Variants in FGGY observed in about 807,000 individuals in gnomAD.
FGGY encodes FGGY carbohydrate kinase domain containing, also known as FGGY carbohydrate kinase domain-containing protein.
FGGY carries 72 observed loss-of-function variants against 71.3 expected under a neutral mutation model. The observed-to-expected ratio is 1.01, with a 90% CI of 0.84 to 1.23. The LOEUF (loss-of-function observed/expected upper bound fraction) is 1.23, where lower values mean the gene tolerates loss of function less well. FGGY is among the 50% of genes most tolerant of loss of function. The pLI is 0.00. For synonymous variants in FGGY, 251 were observed against 250.3 expected (o/e 1.00, Z -0.02); for missense variants, 668 against 682.3 (o/e 0.98, Z 0.23).
chr1:59,311,108 G>A (rs1416541609), intron 1 of FGGY, among the ~76,000 whole-genome samples: 1 of 152,084 alleles, frequency 6.6e-6, no homozygotes, highest in African/African-American at 2.4e-5. Context: ...ATCTGAAAAG[G>A]CTTCACAGGA....
At chr1:59,673,427 G>A (rs763663025) in intron 13 of FGGY, among the ~76,000 whole-genome samples, 11 of 152,168 alleles carry the variant, frequency 7.2e-5, no homozygotes, top group Non-Finnish European at 1.3e-4. Context: ...TACGTGGCTG[G>A]AAGGAGAAGA....
intron 14 of FGGY, among the ~76,000 whole-genome samples, chr1:59,686,579 AT>A (rs1014020352): frequency 2.3e-4 from 35 of 151,308 alleles, no homozygotes; most frequent in East Asian, 3.9e-4. Context: ...ATCCTCTATT[AT>A]TTTTTTTTAA....
chr1:59,660,346 T>A (rs2097263104), intron 12 of FGGY, 53 bp downstream of exon 12: 2 of 1,381,908 alleles, frequency 1.4e-6, no homozygotes, highest in Non-Finnish European at 2.0e-6. Context: ...CAGTATACTC[T>A]AGGCCACTGG....
intron 1 of FGGY, among the ~76,000 whole-genome samples, chr1:59,314,737 C>T (rs1337477347): frequency 6.6e-6 from 1 of 152,180 alleles, no homozygotes; most frequent in African/African-American, 2.4e-5. Context: ...CATTCTTCAG[C>T]TCCTTATTGA....
At chr1:59,602,846 T>A (rs1055396804) in intron 8 of FGGY, among the ~76,000 whole-genome samples, 4 of 152,198 alleles carry the variant, frequency 2.6e-5, no homozygotes, top group Non-Finnish European at 4.4e-5. Flanking sequence ...GTTTTGTTGT[T>A]ATTTTTTTAT....
intron 5 of FGGY, among the ~76,000 whole-genome samples, chr1:59,387,717 T>C (rs2060238233): frequency 6.6e-6 from 1 of 152,204 alleles, no homozygotes; most frequent in African/African-American, 2.4e-5. Context: ...ACTTTTGTGC[T>C]CTTTAGTGCA....
At chr1:59,312,446 C>T (rs902065418) in intron 1 of FGGY, among the ~76,000 whole-genome samples, 2 of 152,146 alleles carry the variant, frequency 1.3e-5, no homozygotes, top group Non-Finnish European at 2.9e-5. Context: ...TGTGGATTCT[C>T]CTCTCCTTTT....
chr1:59,714,178 GATA>G (rs1473043901), intron 14 of FGGY, among the ~76,000 whole-genome samples: 1 of 152,150 alleles, frequency 6.6e-6, no homozygotes, highest in African/African-American at 2.4e-5. Context: ...AGTTCATTGG[GATA>G]ATAAACTATG....
intron 10 of FGGY, among the ~76,000 whole-genome samples, chr1:59,634,541 G>A (rs2096938113): frequency 6.6e-6 from 1 of 152,106 alleles, no homozygotes; most frequent in Non-Finnish European, 1.5e-5. Context: ...TGGTTTAAGA[G>A]TATGACCACC....
At chr1:59,381,515 C>G (rs111841458) in intron 5 of FGGY, among the ~76,000 whole-genome samples, 3,248 of 152,068 alleles carry the variant, frequency 0.021, 99 homozygotes, top group African/African-American at 0.074. Flanking sequence ...GGGTCAGGAT[C>G]ATCAAGATGT....
At chr1:59,335,303 T>A (rs1378377927) in intron 2 of FGGY, among the ~76,000 whole-genome samples, 1 of 151,914 alleles carries the variant, frequency 6.6e-6, no homozygotes, top group Non-Finnish European at 1.5e-5. Context: ...TAGAATCACA[T>A]AGCGTGCTTT....
At chr1:59,595,697 T>A (rs951816389) in intron 8 of FGGY, among the ~76,000 whole-genome samples, 5 of 151,878 alleles carry the variant, frequency 3.3e-5, no homozygotes, top group Non-Finnish European at 7.4e-5. Flanking sequence ...CTCAAAAAAA[T>A]AATAATAAAA....
chr1:59,369,880 A>AC (rs2057293620), intron 4 of FGGY, among the ~76,000 whole-genome samples: 1 of 152,176 alleles, frequency 6.6e-6, no homozygotes, highest in South Asian at 2.1e-4. Flanking sequence ...AAACTAACAA[A>AC]CAGAAAGGAC....
rs573170762 is a variant in FGGY, at chr1:59,339,185, C to A, written c.202-773C>A. Among the ~76,000 whole-genome samples the A allele has an allele frequency of 2.6e-5, 4 of 152,206 alleles. No individual in the cohort carries two copies. The East Asian group carries it at 7.7e-4, about 29-fold the overall frequency. On this transcript the variant is annotated intron_variant, in intron 2 of 15. Transcript: ENST00000303721. ...TTTGTGTTTAGACTTGGGTTTCATCCTCAAGATATCTCATTATGTTATATA... is the reference window on the plus strand; with the variant it reads ...TTTGTGTTTAGACTTGGGTTTCATCATCAAGATATCTCATTATGTTATATA...
intron 5 of FGGY, among the ~76,000 whole-genome samples, chr1:59,440,209 A>C (rs1055227667): frequency 6.6e-6 from 1 of 152,134 alleles, no homozygotes; most frequent in African/African-American, 2.4e-5. Context: ...CTCAATTAGA[A>C]AAACACATGG....
intron 9 of FGGY, among the ~76,000 whole-genome samples, chr1:59,620,830 T>C (rs1036271473): frequency 3.9e-5 from 6 of 152,120 alleles, no homozygotes; most frequent in Non-Finnish European, 7.4e-5. Flanking sequence ...CTCTTCACGC[T>C]GTAGTTTGTG....
intron 8 of FGGY, among the ~76,000 whole-genome samples, chr1:59,596,560 T>C (rs1011054096): frequency 3.3e-5 from 5 of 151,998 alleles, no homozygotes; most frequent in Admixed American, 2.6e-4. Context: ...GGAAGGAACT[T>C]GAGTTGATTT....
At chr1:59,461,770 CTTTTGTTTTG>C (rs150075939) in intron 6 of FGGY, among the ~76,000 whole-genome samples, 43 of 151,938 alleles carry the variant, frequency 2.8e-4, no homozygotes, top group East Asian at 2.1e-3. Flanking sequence ...ATTCAACATT[CTTTTGTTTTG>C]TTTTGTTTTG....
At chr1:59,531,917 C>T (rs1245169417) in intron 7 of FGGY, among the ~76,000 whole-genome samples, 1 of 152,142 alleles carries the variant, frequency 6.6e-6, no homozygotes, top group Non-Finnish European at 1.5e-5. Flanking sequence ...AGGTTATATC[C>T]TTTCTAGAGG....
Sources: allele counts gnomAD v4.1 joint callset (sites outside exome capture counted in the v4.1 genomes callset), GRCh38; gene constraint gnomAD v4.1.1; transcripts MANE v1.5; gene names NCBI Gene and HGNC (gene_info 2026-07-23, HGNC 2026-07-21).